The following UGT1A6 variants were observed in gnomAD, a reference collection of about 807,000 sequenced individuals.
The protein encoded by UGT1A6 is UDP glucuronosyltransferase family 1 member A6, also known as UDP-glucuronosyltransferase 1A6.
In UGT1A6, 32 loss-of-function variants were observed where a neutral mutation model predicts 44.4. The observed-to-expected ratio is 0.72, with a 90% confidence interval of 0.54 to 0.97. The LOEUF (loss-of-function observed/expected upper bound fraction) is 0.97. UGT1A6 is among the 50% of genes least tolerant of loss of function. UGT1A6 has a pLI of 0.00. For synonymous variants in UGT1A6, 238 were observed against 248.5 expected, an observed-to-expected ratio of 0.96 and a Z score of 0.40; for missense variants, 685 against 661.9, an observed-to-expected ratio of 1.03 and a Z score of -0.38.
At chr2:233,744,039 G>C (rs1692664122) in intron 1 of UGT1A6, 1 of 770,658 alleles carries the variant, frequency 1.3e-6, no homozygotes, top group Non-Finnish European at 1.8e-6. Flanking sequence ...TTATGACGCA[G>C]CCACATCTCA....
intron 1 of UGT1A6, among the ~76,000 whole-genome samples, chr2:233,697,011 C>A (rs1017901649): frequency 6.6e-6 from 1 of 151,922 alleles, no homozygotes; most frequent in African/African-American, 2.4e-5. Flanking sequence ...CATCTATGTT[C>A]GTCAGAGATA....
chr2:233,729,580 G>A, intron 1 of UGT1A6: 1 of 1,614,110 alleles, frequency 6.2e-7, no homozygotes. Context: ...GGTTTTAACA[G>A]ACCCCGTTAA....
At chr2:233,717,777 A>G (rs1442623000) in intron 1 of UGT1A6, 3 of 456,402 alleles carry the variant, frequency 6.6e-6, no homozygotes, top group South Asian at 4.6e-5. Context: ...TTAATTCTCC[A>G]TTTTGAAATT....
At chr2:233,749,420 T>C (rs1003222005) in intron 1 of UGT1A6, among the ~76,000 whole-genome samples, 1 of 151,886 alleles carries the variant, frequency 6.6e-6, no homozygotes, top group Admixed American at 6.5e-5. Flanking sequence ...ACTACATTGC[T>C]CAAAACTTCA....
chr2:233,763,863 G>A (rs1486150283), intron 1 of UGT1A6, among the ~76,000 whole-genome samples: 2 of 152,132 alleles, frequency 1.3e-5, no homozygotes, highest in Non-Finnish European at 1.5e-5. Flanking sequence ...ACAGACAATC[G>A]CAATGCTGGG....
upstream of UGT1A6, among the ~76,000 whole-genome samples, chr2:233,692,500 C>A (rs1041698214): frequency 6.6e-6 from 1 of 152,058 alleles, no homozygotes; most frequent in African/African-American, 2.4e-5. Context: ...AGGACTGAGC[C>A]CTTAACCTGT....
chr2:233,772,929 C>T lies in UGT1A6; in HGVS notation c.*370C>T, dbSNP rs1186146273. On this transcript the variant is annotated 3_prime_UTR_variant, in exon 5 of 5. Transcript: ENST00000305139. ...CCCTACTGCAAATGGCAGTTTTAAT[C>T]TTATCTTTTGGCTTCTGCAGATGGT... The T allele has an allele frequency of 5.6e-6, 2 of 355,154 alleles. No individual in the cohort carries two copies. Among genetic ancestry groups the T allele is most frequent in the Non-Finnish European group, 1.0e-5 (2 of 197,036 alleles). The allele number at this position is 355,154 out of a possible 1,614,324, so 22.0% of individuals were successfully genotyped here. A position where few individuals can be genotyped will look rare whatever the true frequency, so the allele number is the denominator to read the frequency against.
At chr2:233,696,701 C>T (rs915031965) in intron 1 of UGT1A6, among the ~76,000 whole-genome samples, 7 of 152,078 alleles carry the variant, frequency 4.6e-5, no homozygotes, top group African/African-American at 1.7e-4. Context: ...TTGTCTTATT[C>T]CAGATTTTAG....
chr2:233,765,641 G>A (rs914163891), intron 1 of UGT1A6, among the ~76,000 whole-genome samples: 1 of 151,492 alleles, frequency 6.6e-6, no homozygotes, highest in African/African-American at 2.4e-5. Flanking sequence ...TTAGAGGATA[G>A]GTCAATAGGT....
chr2:233,701,626 G>A (rs949680433), intron 1 of UGT1A6, among the ~76,000 whole-genome samples: 37 of 152,190 alleles, frequency 2.4e-4, no homozygotes, highest in Non-Finnish European at 4.7e-4. Context: ...TAAAAGAACA[G>A]AAATTATAGC....
In UGT1A6 at chr2:233,769,631, G is replaced by A. The variant is rs1359038576; in HGVS notation, c.1301+1192G>A. 4 of 1,611,522 alleles carry A rather than the reference G, an allele frequency of 2.5e-6. No individual in the cohort carries two copies. Among genetic ancestry groups the A allele is most frequent in the African/African-American group, 1.3e-5 (1 of 74,932 alleles). ...ACACCAGCTTGAGCAAGGGACAACA[G>A]GGGAGGACTGATGACTGACTTCCCA... is the stretch of plus-strand genomic sequence containing the variant. On this transcript the variant is annotated intron_variant, in intron 4 of 4. Transcript: ENST00000305139. The surrounding 1 kb of genome is among the most constrained non-coding windows in gnomAD (Gnocchi z 4.4).
intron 1 of UGT1A6, among the ~76,000 whole-genome samples, chr2:233,718,520 C>T (rs1396041935): frequency 2.0e-5 from 3 of 152,154 alleles, no homozygotes; most frequent in Non-Finnish European, 2.9e-5. Context: ...AAATGGGTGT[C>T]CACAGCCTTG....
intron 1 of UGT1A6, among the ~76,000 whole-genome samples, chr2:233,736,432 A>G (rs1471757710): frequency 6.6e-6 from 1 of 152,142 alleles, no homozygotes; most frequent in East Asian, 1.9e-4. Flanking sequence ...TCAAGGTTCA[A>G]CCTTCCTTGC....
chr2:233,757,535 A>AATATAT (rs67292694), intron 1 of UGT1A6, among the ~76,000 whole-genome samples: 2,323 of 88,244 alleles, frequency 0.026, 162 homozygotes, highest in African/African-American at 0.078. Context: ...GCCTGTAAGG[A>AATATAT]ATATATATAT....
At chr2:233,744,478 A>C (rs921058584) in intron 1 of UGT1A6, among the ~76,000 whole-genome samples, 8 of 152,046 alleles carry the variant, frequency 5.3e-5, no homozygotes, top group South Asian at 2.1e-4. Context: ...AAGACATATT[A>C]ATTGGGCAAT....
At chr2:233,728,419 C>T (rs1433487219) in intron 1 of UGT1A6, among the ~76,000 whole-genome samples, 2 of 152,142 alleles carry the variant, frequency 1.3e-5, no homozygotes, top group East Asian at 3.9e-4. Flanking sequence ...GATAGCAGCA[C>T]CTCTTCTTCC....
In UGT1A6 at chr2:233,769,399, A is replaced by G. The variant is rs1699854887; in HGVS notation, c.1301+960A>G. The G allele has an allele frequency of 1.7e-6, 2 of 1,170,288 alleles. No homozygotes were observed. Among genetic ancestry groups the G allele is most frequent in the Non-Finnish European group, 2.5e-6 (2 of 810,196 alleles). 72.5% of individuals were successfully genotyped at this position (1,170,288 alleles called of 1,614,324 possible). A position where few individuals can be genotyped will look rare whatever the true frequency, so the allele number is the denominator to read the frequency against. On this transcript the variant is annotated intron_variant, in intron 4 of 4. Transcript: ENST00000305139. This position sits in a 1 kb window ranked among gnomAD's most constrained non-coding sequence, Gnocchi z 4.4. ...ATCCGACAATAGATACTGTGTGCAT[A>G]TGTGCGTGTGCGTTTGTGCATGTGG...
chr2:233,708,871 C>T (rs544607224), intron 1 of UGT1A6, among the ~76,000 whole-genome samples: 1 of 151,394 alleles, frequency 6.6e-6, no homozygotes, highest in East Asian at 1.9e-4. Context: ...TTTATTGGTT[C>T]ACATACTAGA....
intron 1 of UGT1A6, among the ~76,000 whole-genome samples, chr2:233,746,400 G>T (rs1245323229): frequency 6.6e-6 from 1 of 151,734 alleles, no homozygotes. Context: ...GGAGCTGGGA[G>T]TGTGTCCAAT....
Sources: gnomAD v4.1 joint callset for allele counts (sites outside exome capture counted in the v4.1 genomes callset) on GRCh38, gnomAD v4.1.1 for gene constraint, Gnocchi (gnomAD v3.1) non-coding constraint, MANE v1.5 for transcripts, NCBI Gene and HGNC (gene_info 2026-07-23, HGNC 2026-07-21) for gene names.